UNC13C: variants seen among roughly 807,000 people sequenced by gnomAD.
UNC13C encodes the protein protein unc-13 homolog C.
Under a neutral mutation model 245.4 loss-of-function variants are expected in UNC13C, and 174 were observed. The ratio of observed to expected loss-of-function variants is 0.71; its 90% CI spans 0.63 to 0.80. The LOEUF (loss-of-function observed/expected upper bound fraction) is 0.80. Ranked by LOEUF, UNC13C falls within the 30% of genes least tolerant of loss-of-function variation. The pLI is 0.00. For missense variants in UNC13C, 2,829 were observed against 2,602.9 expected (o/e 1.09, Z -1.89); for synonymous variants, 992 against 895.1 (o/e 1.11, Z -1.93).
the UNC13C span, among the ~76,000 whole-genome samples, chr15:53,906,200 C>T: frequency 8.5e-5 from 13 of 152,130 alleles, no homozygotes; most frequent in African/African-American, 2.2e-4. Flanking sequence ...GTGGTGCATG[C>T]GTGTAGTCCC....
chr15:54,610,369 G>T (rs757561669), intron 30 of UNC13C, among the ~76,000 whole-genome samples: 24 of 152,114 alleles, frequency 1.6e-4, no homozygotes, highest in African/African-American at 5.8e-4. Flanking sequence ...CTAGTATCTG[G>T]AATTACAGGC....
At chr15:54,264,056 A>T in intron 8 of UNC13C, 112 bp from the exon 9 acceptor site, 1 of 1,063,992 alleles carries the variant, frequency 9.4e-7, no homozygotes, top group Non-Finnish European at 1.4e-6. Flanking sequence ...ACCTGACTCC[A>T]CAGAATGAAA....
intron 25 of UNC13C, among the ~76,000 whole-genome samples, chr15:54,528,764 C>T: frequency 6.6e-6 from 1 of 152,268 alleles, no homozygotes; most frequent in African/African-American, 2.4e-5. Context: ...GTGATTTTGA[C>T]TACAGCCAGC....
chr15:54,069,700 T>C (rs1419950635), intron 2 of UNC13C, among the ~76,000 whole-genome samples: 3 of 152,198 alleles, frequency 2.0e-5, no homozygotes, highest in Non-Finnish European at 4.4e-5. Flanking sequence ...CAGAAAAACA[T>C]AATTTGTTTG....
the UNC13C span, among the ~76,000 whole-genome samples, chr15:53,924,073 G>T: frequency 6.7e-6 from 1 of 150,252 alleles, no homozygotes; most frequent in South Asian, 2.1e-4. Flanking sequence ...CGGGTGTAGT[G>T]GTGGGCGCCT....
chr15:53,929,427 T>A, the UNC13C span, among the ~76,000 whole-genome samples: 5 of 152,154 alleles, frequency 3.3e-5, no homozygotes, highest in Admixed American at 6.5e-5. Flanking sequence ...CACCAGAGAC[T>A]TTTTTGGTGA....
the UNC13C span, among the ~76,000 whole-genome samples, chr15:53,938,662 A>G: frequency 6.6e-6 from 1 of 152,308 alleles, no homozygotes; most frequent in Admixed American, 6.5e-5. Context: ...AATCCCTCAG[A>G]CCACAGCACA....
chr15:53,870,555 G>A, the UNC13C span, among the ~76,000 whole-genome samples: 94,543 of 151,690 alleles, frequency 0.62, 29,501 homozygotes, highest in East Asian at 0.68. Context: ...ACCACTGCTT[G>A]TACCTGGATA....
At position 54,500,728 on chromosome 15, in the gene UNC13C, G is replaced by A. The variant is rs529120215; in HGVS notation, c.5158-107G>A. ...GGTAAGCATTTTATTACTGGGAAAT[G>A]TAAATATGTGATACGGGAGATTCAG... On this transcript the variant is annotated intron_variant, in intron 21 of 32. Transcript: ENST00000260323. 3.7e-4 allele frequency: 327 copies of A among 878,974 alleles called. 2 individuals carry two copies. In the African/African-American group the frequency reaches 5.2e-3, roughly 14 times the overall value. The allele number at this position is 878,974 out of a possible 1,614,324, so 54.4% of individuals were successfully genotyped here.
At chr15:54,401,534 A>G (rs954318869) in intron 18 of UNC13C, among the ~76,000 whole-genome samples, 9 of 152,214 alleles carry the variant, frequency 5.9e-5, no homozygotes, top group African/African-American at 2.2e-4. Flanking sequence ...AGACACTGAA[A>G]GTTTATGAAT....
chr15:54,302,298 G>A (rs151043612), intron 13 of UNC13C, among the ~76,000 whole-genome samples: 3 of 152,070 alleles, frequency 2.0e-5, no homozygotes, highest in African/African-American at 7.2e-5. Context: ...AGTTTAATTA[G>A]ATCCCATTTG....
At chr15:53,883,573 A>G in the UNC13C span, among the ~76,000 whole-genome samples, 1 of 152,240 alleles carries the variant, frequency 6.6e-6, no homozygotes, top group Non-Finnish European at 1.5e-5. Context: ...GCAATCAAAT[A>G]CATAAATGAC....
At chr15:54,090,841 G>A (rs1248667154) in intron 2 of UNC13C, among the ~76,000 whole-genome samples, 2 of 152,148 alleles carry the variant, frequency 1.3e-5, no homozygotes, top group African/African-American at 2.4e-5. Context: ...GTTCTGGGAA[G>A]CATTAATGTG....
chr15:54,327,715 C>T (rs571882383), intron 14 of UNC13C, among the ~76,000 whole-genome samples: 2 of 152,066 alleles, frequency 1.3e-5, no homozygotes, highest in South Asian at 4.2e-4. Context: ...TGGGATGTAA[C>T]CAGTGCACTG....
In UNC13C at chr15:54,531,749, G is replaced by A. The variant is rs79673825; in HGVS notation, c.5547-1168G>A. Among the ~76,000 whole-genome samples the A allele has an allele frequency of 1.0e-3, 153 of 151,592 alleles. 6 individuals carry two copies. The East Asian group carries it at 0.023, about 22-fold the overall frequency. ...TGGTTTCTAGCATATTCACGGAATTGTGCAACTCTCAGCAAAATCTAACTT... is the reference window on the plus strand; with the variant it reads ...TGGTTTCTAGCATATTCACGGAATTATGCAACTCTCAGCAAAATCTAACTT... On this transcript the variant is annotated intron_variant, in intron 25 of 32. Coordinates refer to ENST00000260323, the MANE Select transcript of UNC13C (RefSeq NM_001080534.3).
intron 19 of UNC13C, among the ~76,000 whole-genome samples, chr15:54,458,556 T>C (rs2141021337): frequency 6.6e-6 from 1 of 152,176 alleles, no homozygotes; most frequent in African/African-American, 2.4e-5. Flanking sequence ...AATTGTCTTA[T>C]AAATTTGGGA....
intron 4 of UNC13C, among the ~76,000 whole-genome samples, chr15:54,207,581 G>A (rs2034755894): frequency 2.6e-5 from 4 of 151,966 alleles, no homozygotes; most frequent in Non-Finnish European, 5.9e-5. Flanking sequence ...ATTCATCTAC[G>A]TTAATTATCC....
At chr15:54,469,975 GTTTAAT>G (rs1333728250) in intron 19 of UNC13C, among the ~76,000 whole-genome samples, 1 of 151,396 alleles carries the variant, frequency 6.6e-6, no homozygotes, top group African/African-American at 2.4e-5. Context: ...ATAAAGTGAT[GTTTAAT>G]TTTATCAAAT....
At chr15:54,623,066 TTAAA>T (rs1900897497) in intron 31 of UNC13C, among the ~76,000 whole-genome samples, 1 of 152,180 alleles carries the variant, frequency 6.6e-6, no homozygotes, top group African/African-American at 2.4e-5. Flanking sequence ...GTCAATTTCC[TTAAA>T]TATTTTTGAA....
Sources: gnomAD v4.1 joint callset for allele counts (sites outside exome capture counted in the v4.1 genomes callset) on GRCh38, gnomAD v4.1.1 for gene constraint, MANE v1.5 for transcripts, NCBI Gene and HGNC (gene_info 2026-07-23, HGNC 2026-07-21) for gene names.